CRPPA: variants seen among roughly 807,000 people sequenced by gnomAD.
The protein encoded by CRPPA is D-ribitol-5-phosphate cytidylyltransferase.
Under a neutral mutation model 52.0 loss-of-function variants are expected in CRPPA, and 43 were observed. The observed-to-expected ratio is 0.83, with a 90% CI of 0.65 to 1.07. The LOEUF (loss-of-function observed/expected upper bound fraction) is 1.07, where lower values mean the gene tolerates loss of function less well. Among genes scored for constraint, CRPPA ranks in the 50% least tolerant of loss-of-function variants. The pLI is 0.00. For missense variants in CRPPA, 629 were observed against 551.7 expected (o/e 1.14, Z -1.40); for synonymous variants, 250 against 203.5 (o/e 1.23, Z -1.94).
chr7:16,280,645 C>T (rs1212279908), intron 5 of CRPPA, among the ~76,000 whole-genome samples: 1 of 152,134 alleles, frequency 6.6e-6, no homozygotes, highest in Admixed American at 6.5e-5. Flanking sequence ...ATTCTAAGCG[C>T]TACCCAACAT....
intron 9 of CRPPA, among the ~76,000 whole-genome samples, chr7:16,115,688 T>C (rs1451414711): frequency 1.3e-5 from 2 of 152,176 alleles, no homozygotes; most frequent in East Asian, 3.9e-4. Flanking sequence ...GAAATATCCT[T>C]TGGTGCCAGA....
intron 2 of CRPPA, among the ~76,000 whole-genome samples, chr7:16,381,699 G>C (rs1283832591): frequency 2.6e-5 from 4 of 151,754 alleles, no homozygotes; most frequent in African/African-American, 9.7e-5. Flanking sequence ...TATATATTTA[G>C]GATAGTTAGC....
intron 9 of CRPPA, among the ~76,000 whole-genome samples, chr7:16,148,816 T>C (rs143207077): frequency 1.2e-4 from 19 of 152,236 alleles, no homozygotes; most frequent in African/African-American, 4.6e-4. Context: ...TAGGTGGATT[T>C]TAAATGTTCC....
chr7:16,163,131 A>G lies in CRPPA; in HGVS notation c.1251+52935T>C, dbSNP rs1462220949. The stretch of plus-strand genomic sequence containing the variant: ...TGGGACTACAGGCGCCTGCCACCAC[A>G]CTCAGCTAATTTTTTGTATTTTTTA... On this transcript the variant is annotated intron_variant, in intron 9 of 9. Coordinates refer to ENST00000407010, the MANE Select transcript of CRPPA (RefSeq NM_001101426.4). Among the ~76,000 whole-genome samples the G allele has an allele frequency of 2.0e-5, 3 of 149,442 alleles. No individual in the cohort carries two copies. The East Asian group carries it at 5.9e-4, about 29-fold the overall frequency.
At chr7:16,375,994 T>C in intron 3 of CRPPA, 98 bp downstream of exon 3, 1 of 1,168,800 alleles carries the variant, frequency 8.6e-7, no homozygotes, top group Non-Finnish European at 1.2e-6. Flanking sequence ...AGTATAACTA[T>C]ACGCTCAGTC....
intron 9 of CRPPA, among the ~76,000 whole-genome samples, chr7:16,160,446 T>C (rs918589946): frequency 6.6e-6 from 1 of 152,354 alleles, no homozygotes; most frequent in African/African-American, 2.4e-5. Flanking sequence ...ATTGCTTGTT[T>C]TTCTCAGGTT....
rs112704633 is a variant in CRPPA at position 16,378,203 on chromosome 7, G to C, written c.535-1962C>G. The stretch of plus-strand genomic sequence containing the variant: ...TATACATGTGCCATGCTGGTGCGCT[G>C]TACCCATTAACTTGTTATTTAGCAT... On this transcript the variant is annotated intron_variant, in intron 2 of 9. Transcript: ENST00000407010. Among the ~76,000 whole-genome samples the C allele has an allele frequency of 6.5e-4, 98 of 151,120 alleles. 1 individual carries two copies. Among genetic ancestry groups the C allele is most frequent in the African/African-American group, 2.2e-3 (91 of 41,120 alleles).
chr7:16,408,286 G>C (rs956730871), intron 1 of CRPPA, among the ~76,000 whole-genome samples: 1 of 152,146 alleles, frequency 6.6e-6, no homozygotes, highest in African/African-American at 2.4e-5. Context: ...CAGTCTGGAG[G>C]AGACTTTGGG....
At chr7:16,402,698 C>G (rs1281427863) in intron 2 of CRPPA, among the ~76,000 whole-genome samples, 1 of 105,794 alleles carries the variant, frequency 9.5e-6, no homozygotes. Context: ...TTAGACAGAG[C>G]TAAAAAAAAA....
intron 9 of CRPPA, among the ~76,000 whole-genome samples, chr7:16,092,039 C>G (rs1781848309): frequency 6.6e-6 from 1 of 152,190 alleles, no homozygotes. Context: ...GACACAATTT[C>G]AAATGCTAAC....
At chr7:16,120,577 T>A (rs1782462507) in intron 9 of CRPPA, among the ~76,000 whole-genome samples, 1 of 152,158 alleles carries the variant, frequency 6.6e-6, no homozygotes, top group African/African-American at 2.4e-5. Flanking sequence ...AACATCATTG[T>A]TCTCCAAATC....
chr7:16,272,275 TAAC>T (rs1469327172), intron 6 of CRPPA, among the ~76,000 whole-genome samples: 1 of 152,232 alleles, frequency 6.6e-6, no homozygotes, highest in African/African-American at 2.4e-5. Flanking sequence ...CTTAACTTTT[TAAC>T]AACCTCTTCC....
chr7:16,372,465 A>G (rs1328630879), intron 3 of CRPPA, among the ~76,000 whole-genome samples: 1 of 152,212 alleles, frequency 6.6e-6, no homozygotes, highest in Non-Finnish European at 1.5e-5. Flanking sequence ...TAAATGAAGG[A>G]GAGATAAAAT....
chr7:16,088,855 A>G lies in CRPPA; in HGVS notation c.*2840T>C, dbSNP rs1327992445. The G allele has an allele frequency of 1.7e-5, 3 of 172,162 alleles. No homozygotes were observed. The highest frequency in any genetic ancestry group is 4.8e-5 in the African/African-American group (2 of 41,872). 10.7% of individuals were successfully genotyped at this position (172,162 alleles called of 1,614,324 possible). On this transcript the variant is annotated 3_prime_UTR_variant, in exon 10 of 10. Coordinates refer to ENST00000407010, the MANE Select transcript of CRPPA (RefSeq NM_001101426.4). The stretch of plus-strand genomic sequence containing the variant: ...CAGGACTTTCACCTAGTCCCTGGAC[A>G]TAAGTGTCCCACCCTTCTTGTCCAT...
chr7:16,267,580 C>T (rs1298895159), intron 6 of CRPPA, among the ~76,000 whole-genome samples: 1 of 152,166 alleles, frequency 6.6e-6, no homozygotes, highest in Non-Finnish European at 1.5e-5. Flanking sequence ...CCTTACTGAG[C>T]CAAAGCCATT....
intron 9 of CRPPA, among the ~76,000 whole-genome samples, chr7:16,209,650 C>G (rs1782077978): frequency 6.6e-6 from 1 of 151,712 alleles, no homozygotes; most frequent in South Asian, 2.1e-4. Context: ...AAGATTCACA[C>G]AAAAAAAGAA....
At chr7:16,110,355 C>A (rs1211802415) in intron 9 of CRPPA, among the ~76,000 whole-genome samples, 2 of 152,080 alleles carry the variant, frequency 1.3e-5, no homozygotes, top group Non-Finnish European at 2.9e-5. Context: ...CTACTCAGAG[C>A]AATCTATAAA....
At chr7:16,286,224 T>C (rs1454324604) in intron 5 of CRPPA, among the ~76,000 whole-genome samples, 2 of 149,994 alleles carry the variant, frequency 1.3e-5, no homozygotes, top group Non-Finnish European at 3.0e-5. Flanking sequence ...AAATATTAAG[T>C]GTTTCTGAGA....
intron 9 of CRPPA, among the ~76,000 whole-genome samples, chr7:16,144,659 G>C (rs899167223): frequency 6.6e-6 from 1 of 152,240 alleles, no homozygotes; most frequent in African/African-American, 2.4e-5. Flanking sequence ...TCTACTGGGT[G>C]GGGGGAGTCA....
Sources: gnomAD v4.1 joint callset for allele counts (sites outside exome capture counted in the v4.1 genomes callset) on GRCh38, gnomAD v4.1.1 for gene constraint, MANE v1.5 for transcripts, NCBI Gene and HGNC (gene_info 2026-07-23, HGNC 2026-07-21) for gene names.